Variants in FGFR2 observed in about 807,000 individuals in gnomAD.
FGFR2 encodes BEK fibroblast growth factor receptor.
In FGFR2, 19 loss-of-function variants were observed where a neutral mutation model predicts 95.9. The observed-to-expected ratio is 0.20, with a 90% CI of 0.14 to 0.29. The LOEUF is 0.29. FGFR2 is among the 10% of genes least tolerant of loss of function. The pLI, the probability that FGFR2 is intolerant of heterozygous loss-of-function variation, is 1.00. For missense variants in FGFR2, 707 were observed against 1,056.9 expected (o/e 0.67, Z 4.59); for synonymous variants, 392 against 393.3 (o/e 1.00, Z 0.04).
chr10:121,578,602 G>C (rs1860314506), intron 2 of FGFR2, among the ~76,000 whole-genome samples: 1 of 152,250 alleles, frequency 6.6e-6, no homozygotes. Flanking sequence ...CAGCTTCCTT[G>C]CTCCCACTTC....
At chr10:121,554,170 T>C (rs1054803802) in intron 4 of FGFR2, among the ~76,000 whole-genome samples, 38 of 152,034 alleles carry the variant, frequency 2.5e-4, no homozygotes, top group Non-Finnish European at 5.3e-4. Flanking sequence ...AGATCCAAGG[T>C]TGGGGGCCAC....
intron 6 of FGFR2, among the ~76,000 whole-genome samples, chr10:121,524,483 C>A (rs1443433855): frequency 6.6e-6 from 1 of 152,194 alleles, no homozygotes; most frequent in Admixed American, 6.5e-5. Context: ...TCCTTTGCAA[C>A]CTTATTCTCT....
At chr10:121,482,894 T>G (rs1306306285) in intron 17 of FGFR2, among the ~76,000 whole-genome samples, 1 of 152,040 alleles carries the variant, frequency 6.6e-6, no homozygotes, top group Non-Finnish European at 1.5e-5. Context: ...ACCTCCTGGG[T>G]TCAAGCGATT....
intron 17 of FGFR2, chr10:121,481,732 C>T (rs767758425): frequency 7.5e-5 from 17 of 226,532 alleles, no homozygotes; most frequent in South Asian, 1.8e-4. Flanking sequence ...TCAGTATCAA[C>T]GGACCCACTC....
At chr10:121,549,831 C>T (rs576293055) in intron 5 of FGFR2, among the ~76,000 whole-genome samples, 224 of 152,284 alleles carry the variant, frequency 1.5e-3, no homozygotes, top group South Asian at 5.2e-3. Context: ...CAGCCTCAAC[C>T]CTTCCTTGCT....
At chr10:121,553,435 T>C (rs1192955409) in intron 4 of FGFR2, among the ~76,000 whole-genome samples, 1 of 152,198 alleles carries the variant, frequency 6.6e-6, no homozygotes, top group Non-Finnish European at 1.5e-5. Flanking sequence ...GCCTGGCATA[T>C]ACTGAAACAA....
chr10:121,517,128 T>C lies in FGFR2; in HGVS notation c.1084+191A>G. ...GGGTGAAATTTCCCTTGATCATAAA[T>C]GTGAGTGTGGGATCTCACTGTGTGT... On this transcript the variant is annotated intron_variant, in intron 8 of 17. Coordinates refer to ENST00000358487, the MANE Select transcript of FGFR2 (RefSeq NM_000141.5). The surrounding 1 kb of genome is among the most constrained non-coding windows in gnomAD (Gnocchi z 4.7). 1.5e-6 allele frequency: 1 copy of C among 672,168 alleles called. No homozygotes were observed. The highest frequency in any genetic ancestry group is 2.8e-4 in the Middle Eastern group (1 of 3,546). 41.6% of individuals were successfully genotyped at this position (672,168 alleles called of 1,614,324 possible). A position where few individuals can be genotyped will look rare whatever the true frequency, so the allele number is the denominator to read the frequency against.
intron 13 of FGFR2, among the ~76,000 whole-genome samples, chr10:121,492,628 C>G (rs796566584): frequency 1.1e-4 from 16 of 152,336 alleles, no homozygotes; most frequent in African/African-American, 3.1e-4. Context: ...AGGGCCGGAC[C>G]CTTTGCCTGG....
intron 3 of FGFR2, 83 bp from the exon 4 acceptor site, chr10:121,564,662 A>G: frequency 7.9e-7 from 1 of 1,266,778 alleles, no homozygotes; most frequent in Non-Finnish European, 1.1e-6. Flanking sequence ...GACCTTCTCC[A>G]TAGCAAAGTC....
intron 17 of FGFR2, among the ~76,000 whole-genome samples, chr10:121,481,481 AGAAGGG>A (rs1188873476): frequency 6.6e-6 from 1 of 152,170 alleles, no homozygotes; most frequent in Non-Finnish European, 1.5e-5. Context: ...CCAGCATCCC[AGAAGGG>A]GAATGTATCA....
At chr10:121,510,227 C>T (rs938402268) in intron 9 of FGFR2, among the ~76,000 whole-genome samples, 3 of 152,186 alleles carry the variant, frequency 2.0e-5, no homozygotes, top group Non-Finnish European at 4.4e-5. Context: ...CAGGCCTTTC[C>T]CTGGGACTCT....
intron 4 of FGFR2, among the ~76,000 whole-genome samples, chr10:121,553,889 G>C (rs944863444): frequency 6.6e-6 from 1 of 152,196 alleles, no homozygotes; most frequent in Non-Finnish European, 1.5e-5. Context: ...GGGTGAGTCT[G>C]TAACAGCCCA....
chr10:121,565,381 CA>C (rs1857524048), intron 3 of FGFR2, 56 bp downstream of exon 3: 2 of 1,608,880 alleles, frequency 1.2e-6, no homozygotes, highest in Admixed American at 1.7e-5. Flanking sequence ...TTCACTTGGC[CA>C]AAAAAATGTA....
intron 2 of FGFR2, among the ~76,000 whole-genome samples, chr10:121,571,772 C>T (rs1291778744): frequency 6.7e-6 from 1 of 149,112 alleles, no homozygotes; most frequent in Admixed American, 6.7e-5. Flanking sequence ...GGAGAAACCC[C>T]GTCTCTACTG....
rs1196811133 is a variant in FGFR2 at position 121,478,626 on chromosome 10, T to C, written c.*1231A>G. The stretch of plus-strand genomic sequence containing the variant: ...TCCTGCCAGAATTAGATGAAAGCAA[T>C]CCCTTAAAAAGATGGACGTATCCCC... On this transcript the variant is annotated 3_prime_UTR_variant, in exon 18 of 18. Coordinates refer to ENST00000358487, the MANE Select transcript of FGFR2 (RefSeq NM_000141.5). 1 of 233,138 alleles carries C rather than the reference T, an allele frequency of 4.3e-6. No homozygotes were observed. The highest frequency in any genetic ancestry group is 8.5e-6 in the Non-Finnish European group (1 of 118,008). The allele number at this position is 233,138 out of a possible 1,614,324, so 14.4% of individuals were successfully genotyped here.
chr10:121,493,679 T>C (rs968786461), intron 13 of FGFR2, among the ~76,000 whole-genome samples: 2 of 152,218 alleles, frequency 1.3e-5, no homozygotes, highest in African/African-American at 4.8e-5. Context: ...GCAGATGAGT[T>C]TGTCCACGCC....
intron 2 of FGFR2, among the ~76,000 whole-genome samples, chr10:121,579,108 C>T (rs1479594993): frequency 6.6e-6 from 1 of 152,176 alleles, no homozygotes; most frequent in Non-Finnish European, 1.5e-5. Context: ...AGCCTCACAC[C>T]GCTGAGCCTC....
intron 2 of FGFR2, among the ~76,000 whole-genome samples, chr10:121,571,050 G>A (rs748891023): frequency 2.6e-5 from 4 of 151,576 alleles, no homozygotes; most frequent in African/African-American, 4.9e-5. Context: ...GTGCAGTGGC[G>A]CGATCTTGGC....
intron 4 of FGFR2, among the ~76,000 whole-genome samples, chr10:121,563,562 T>C (rs565966574): frequency 6.6e-6 from 1 of 152,316 alleles, no homozygotes; most frequent in Non-Finnish European, 1.5e-5. Flanking sequence ...AAAATGCAAG[T>C]AATGCTATAT....
Sources: allele counts gnomAD v4.1 joint callset (sites outside exome capture counted in the v4.1 genomes callset), GRCh38; gene constraint gnomAD v4.1.1; non-coding constraint Gnocchi (gnomAD v3.1); transcripts MANE v1.5; gene names NCBI Gene and HGNC (gene_info 2026-07-23, HGNC 2026-07-21).